MYH14: variants seen among roughly 807,000 people sequenced by gnomAD.
MYH14 encodes the protein myosin heavy chain 14.
MYH14 carries 123 observed loss-of-function variants against 255.5 expected under a neutral mutation model. The ratio of observed to expected loss-of-function variants is 0.48; its 90% CI spans 0.42 to 0.56. MYH14 has a LOEUF of 0.56. Among genes scored for constraint, MYH14 ranks in the 20% least tolerant of loss-of-function variants. MYH14 has a pLI of 0.00. For missense variants in MYH14, 2,423 were observed against 2,802.3 expected (o/e 0.86, Z 3.06); for synonymous variants, 1,095 against 1,161.2 (o/e 0.94, Z 1.16).
In MYH14 at chr19:50,276,281, G is replaced by T; in HGVS notation, c.3680+78G>T. 8.8e-7 allele frequency: 1 copy of T among 1,137,854 alleles called. No individual in the cohort carries two copies. 70.5% of individuals were successfully genotyped at this position (1,137,854 alleles called of 1,614,324 possible). ...GGAAGGACTTAGGTACAAAGTCTCT[G>T]TCTATACAGAGGCTTACTTATTGTA... On this transcript the variant is annotated intron_variant, in intron 28 of 42. Transcript: ENST00000642316. The surrounding 1 kb of genome is among the most constrained non-coding windows in gnomAD (Gnocchi z 4.3).
intron 37 of MYH14, among the ~76,000 whole-genome samples, 198 bp downstream of exon 37, chr19:50,292,587 G>C (rs2036121556): frequency 6.6e-6 from 1 of 151,806 alleles, no homozygotes; most frequent in East Asian, 2.0e-4. Flanking sequence ...GCTAACCACA[G>C]GGTCCCAGGG....
At chr19:50,260,799 ATGTG>A in intron 20 of MYH14, 84 bp downstream of exon 20, 8 of 1,017,110 alleles carry the variant, frequency 7.9e-6, no homozygotes, top group Non-Finnish European at 9.0e-6. Context: ...GTGCATGCAT[ATGTG>A]TGCATGCGTG....
intron 34 of MYH14, 142 bp downstream of exon 34, chr19:50,286,836 A>T (rs1031567521): frequency 1.0e-5 from 9 of 882,124 alleles, no homozygotes; most frequent in South Asian, 6.7e-5. Flanking sequence ...AGGGCTGGGC[A>T]TGGTGGCTCA....
chr19:50,286,657 A>C lies in MYH14; in HGVS notation c.4715A>C (p.Glu1572Ala). Residue 1572 changes from glutamate (E) to alanine (A), a missense_variant, in exon 34 of 43, where the codon GAG becomes GCG. Transcript: ENST00000642316. ...RQNRALRAEL[E>A]ALLSSKDDVG... ...AACCGGGCCCTGCGGGCTGAGCTGG[A>C]GGCACTGCTGAGCAGCAAGGATGAC... 1 of 1,585,434 alleles carries C rather than the reference A, an allele frequency of 6.3e-7. No individual in the cohort carries two copies. The highest frequency in any genetic ancestry group is 8.6e-7 in the Non-Finnish European group (1 of 1,166,812).
In MYH14 at chr19:50,249,679, C is replaced by T. The variant is rs2034287897; in HGVS notation, c.1512C>T (p.Asn504=). The change falls in exon 14 of 43, where the codon AAC becomes AAT. Residue 504 remains asparagine (N), a synonymous_variant. Coordinates refer to ENST00000642316, the MANE Select transcript of MYH14 (RefSeq NM_001145809.2). Reference sequence around the variant, plus strand: ...ACTCCTTCGAGCAGCTCTGCATCAACTACACCAACGAGAAGCTGCAGCAGC... The same window carrying T: ...ACTCCTTCGAGCAGCTCTGCATCAATTACACCAACGAGAAGCTGCAGCAGC... ...QLNSFEQLCI[N]YTNEKLQQLF... is the part of the protein sequence containing the mutation. 1 of 1,614,230 alleles carries T rather than the reference C, an allele frequency of 6.2e-7. No individual in the cohort carries two copies. Among genetic ancestry groups the T allele is most frequent in the Non-Finnish European group, 8.5e-7 (1 of 1,180,050 alleles).
intron 10 of MYH14, among the ~76,000 whole-genome samples, chr19:50,237,642 A>C (rs892701173): frequency 6.6e-6 from 1 of 152,102 alleles, no homozygotes; most frequent in African/African-American, 2.4e-5. Flanking sequence ...GCATTTTTTA[A>C]ATTGCAGAGA....
rs1025633196 is a variant in MYH14, at chr19:50,266,059, G to A, written c.2695-818G>A. On this transcript the variant is annotated intron_variant, in intron 22 of 42. Transcript: ENST00000642316. This position sits in a 1 kb window ranked among gnomAD's most constrained non-coding sequence, Gnocchi z 4.1. ...GAGAATAGAAGGGATACAGAATTGG[G>A]TGGAGAGGAAAAGAATCAAGTAGAC... Among the ~76,000 whole-genome samples the A allele has an allele frequency of 6.6e-6, 1 of 152,168 alleles. No homozygotes were observed. Among genetic ancestry groups the A allele is most frequent in the African/African-American group, 2.4e-5 (1 of 41,436 alleles).
intron 18 of MYH14, 77 bp downstream of exon 18, chr19:50,257,563 C>T: frequency 1.5e-5 from 21 of 1,411,828 alleles, no homozygotes; most frequent in Non-Finnish European, 2.0e-5. Context: ...TGGCTGGAGC[C>T]ACATCTGATT....
Position 50,278,243 on chromosome 19 carries a change from G to C in MYH14, c.3986G>C (p.Gly1329Ala). The C allele has an allele frequency of 6.3e-7, 1 of 1,595,388 alleles. No individual in the cohort carries two copies. The highest frequency in any genetic ancestry group is 8.5e-7 in the Non-Finnish European group (1 of 1,172,058). The change falls in exon 30 of 43, where the codon GGG becomes GCG. Residue 1329 changes from glycine (G) to alanine (A), a missense_variant. Gly to Ala is a moderately conservative substitution (Grantham distance 60). Coordinates refer to ENST00000642316, the MANE Select transcript of MYH14 (RefSeq NM_001145809.2). The stretch of plus-strand genomic sequence containing the variant: ...GAGGTGCAGGGCCGGGCTGGTGATG[G>C]GGAGAGGGCACGAGCGGAGGCTGCT... ...LQEVQGRAGD[G>A]ERARAEAAEK...
rs2035683837 is a variant in MYH14, at chr19:50,280,564, C to T, written c.4290+181C>T. Among the ~76,000 whole-genome samples, 3 of 152,288 alleles carry T rather than the reference C, an allele frequency of 2.0e-5. No individual in the cohort carries two copies. The highest frequency in any genetic ancestry group is 4.1e-4 in the South Asian group (2 of 4,828). ...CCATGCCCAGCCCTGGCTGTCCTGA[C>T]CCCTGACTCTCAGCCTCATCCCTTG... On this transcript the variant is annotated intron_variant, in intron 32 of 42. Transcript: ENST00000642316. The surrounding 1 kb of genome is among the most constrained non-coding windows in gnomAD (Gnocchi z 4.8).
intron 18 of MYH14, 113 bp from the exon 19 acceptor site, chr19:50,259,031 A>G: frequency 7.2e-7 from 1 of 1,389,596 alleles, no homozygotes; most frequent in East Asian, 2.5e-5. Flanking sequence ...GTTCCTAGGC[A>G]CCTAGTAGGT....
At chr19:50,262,712 T>C (rs2123358255) in intron 21 of MYH14, among the ~76,000 whole-genome samples, 1 of 151,612 alleles carries the variant, frequency 6.6e-6, no homozygotes, top group Admixed American at 6.6e-5. Context: ...GATGGGCTGA[T>C]AGGAGAGGCT....
chr19:50,309,473 C>T, intron 42 of MYH14, 167 bp from the exon 43 acceptor site: 1 of 632,420 alleles, frequency 1.6e-6, no homozygotes, highest in Non-Finnish European at 2.8e-6. Context: ...ATTGCTTCTG[C>T]CCGTCTCCCT....
chr19:50,271,516 C>A lies in MYH14; in HGVS notation c.3141C>A (p.Leu1047=). 6.2e-7 allele frequency: 1 copy of A among 1,606,244 alleles called. No homozygotes were observed. Among genetic ancestry groups the A allele is most frequent in the South Asian group, 1.1e-5 (1 of 89,270 alleles). The change falls in exon 25 of 43, where the codon CTC becomes CTA. Residue 1047 remains leucine (L), a synonymous_variant. Coordinates refer to ENST00000642316, the MANE Select transcript of MYH14 (RefSeq NM_001145809.2). ...KMKKFEEDLL[L]LEDQNSKLSK... is the part of the protein sequence containing the mutation. Reference sequence around the variant, plus strand: ...AGAAATTTGAAGAGGACCTGCTGCTCCTGGAAGACCAGAATTCCAAGCTGA... The same window carrying A: ...AGAAATTTGAAGAGGACCTGCTGCTACTGGAAGACCAGAATTCCAAGCTGA...
intron 13 of MYH14, 78 bp downstream of exon 13, chr19:50,249,217 C>T (rs1193849298): frequency 2.6e-5 from 38 of 1,450,534 alleles, no homozygotes; most frequent in Non-Finnish European, 3.1e-5. Context: ...GGGTCTCTCC[C>T]CTTCTCCCTG....
chr19:50,261,463 C>CA lies in MYH14; in HGVS notation c.2425-11dup. The CA allele has an allele frequency of 7.0e-7, 1 of 1,425,516 alleles. No homozygotes were observed. Among genetic ancestry groups the CA allele is most frequent in the South Asian group, 1.4e-5 (1 of 72,848 alleles). The allele number at this position is 1,425,516 out of a possible 1,614,324, so 88.3% of individuals were successfully genotyped here. On this transcript the variant is annotated splice_polypyrimidine_tract_variant and intron_variant, in intron 20 of 42. Coordinates refer to ENST00000642316, the MANE Select transcript of MYH14 (RefSeq NM_001145809.2). ...CCCCTCTCCGTCATCACCCCTCTCC[C>CA]ACCCCTCACAGATCCAGGCGCTGGA...
Position 50,307,104 on chromosome 19 carries a change from G to T in MYH14, c.5734G>T (p.Val1912Leu), listed in dbSNP as rs1242250524. 1.9e-6 allele frequency: 3 copies of T among 1,550,790 alleles called. No individual in the cohort carries two copies. Among genetic ancestry groups the T allele is most frequent in the African/African-American group, 1.4e-5 (1 of 73,054 alleles). Residue 1912 changes from valine to leucine, a missense_variant, in exon 41 of 43, where the codon GTG becomes TTG. Physicochemically the swap from Val to Leu is conservative, Grantham distance 32 (BLOSUM62 1). Around this residue, in one of 3 missense-constraint regions of MYH14, gnomAD observed 1,513 missense variants for 1,674.8 expected, o/e 0.90. Coordinates refer to ENST00000642316, the MANE Select transcript of MYH14 (RefSeq NM_001145809.2). Reference sequence around the variant, plus strand: ...CAGAGCTGAGAAGCGGCTTAAAGAGGTGGTGCTCCAGGTGGAGGAGGAGCG... The same window carrying T: ...CAGAGCTGAGAAGCGGCTTAAAGAGTTGGTGCTCCAGGTGGAGGAGGAGCG... ...VRRAEKRLKE[V>L]VLQVEEERRV...
chr19:50,259,108 G>T (rs1177330304), intron 18 of MYH14, 36 bp from the exon 19 acceptor site: 2 of 1,530,118 alleles, frequency 1.3e-6, no homozygotes, highest in Admixed American at 2.1e-5. Context: ...CCGTGTGGCC[G>T]CCGCTGACCC....
chr19:50,302,109 T>A, intron 40 of MYH14, among the ~76,000 whole-genome samples: 1 of 101,772 alleles, frequency 9.8e-6, no homozygotes. Context: ...CAAGACCTCA[T>A]CTCTAAAAAA....
Sources: allele counts gnomAD v4.1 joint callset (sites outside exome capture counted in the v4.1 genomes callset), GRCh38; gene constraint gnomAD v4.1.1; regional missense constraint gnomAD v4.1.1; non-coding constraint Gnocchi (gnomAD v3.1); transcripts MANE v1.5; gene names NCBI Gene and HGNC (gene_info 2026-07-23, HGNC 2026-07-21).